Variants in IQANK1 observed in about 807,000 individuals in gnomAD.
IQANK1 encodes the protein IQ motif and ankyrin repeat domain-containing protein 1.
IQANK1 carries 30 observed loss-of-function variants against 22.6 expected under a neutral mutation model. The observed-to-expected ratio is 1.33, with a 90% CI of 0.99 to 1.80. The LOEUF (loss-of-function observed/expected upper bound fraction) is 1.80. IQANK1 is among the 40% of genes most tolerant of loss of function. The pLI, the probability that IQANK1 is intolerant of heterozygous loss-of-function variation, is 0.00. For missense variants in IQANK1, 275 were observed against 235.2 expected (o/e 1.17, Z -1.11); for synonymous variants, 122 against 99.6 (o/e 1.23, Z -1.34).
intron 7 of IQANK1, among the ~76,000 whole-genome samples, chr8:143,772,855 G>A (rs1819608361): frequency 6.6e-6 from 1 of 152,226 alleles, no homozygotes; most frequent in African/African-American, 2.4e-5. Flanking sequence ...TGAGGCTGGC[G>A]ATTCCAGGGT....
rs782165750 is a variant in IQANK1 at position 143,790,525 on chromosome 8, G to A, written c.1600G>A (p.Val534Ile). 1.0e-4 allele frequency: 40 copies of A among 401,590 alleles called. No individual in the cohort carries two copies. Among genetic ancestry groups the A allele is most frequent in the Non-Finnish European group, 1.6e-4 (37 of 228,662 alleles). 24.9% of individuals were successfully genotyped at this position (401,590 alleles called of 1,614,324 possible). ...GCTGGAGCACTTCCGCCTCTTTTTC[G>A]TCACCAAGGTCCAGTGGCCGCCAGC... ...QRLEHFRLFFVTKVQWPPAEQ... is the reference protein window; with the variant it reads ...QRLEHFRLFFITKVQWPPAEQ... The change falls in exon 14 of 14, where the codon GTC becomes ATC. Residue 534 changes from valine (V) to isoleucine (I), a missense_variant. Val to Ile is a conservative substitution (Grantham distance 29). Transcript: ENST00000527139.
intron 7 of IQANK1, among the ~76,000 whole-genome samples, chr8:143,773,960 G>GA (rs1819635029): frequency 6.6e-6 from 1 of 152,158 alleles, no homozygotes; most frequent in Admixed American, 6.5e-5. Flanking sequence ...GGTGCCAGGG[G>GA]ACTGTGTGTT....
At chr8:143,737,098 C>T (rs1347795730) in intron 2 of IQANK1, among the ~76,000 whole-genome samples, 2 of 152,194 alleles carry the variant, frequency 1.3e-5, no homozygotes, top group African/African-American at 4.8e-5. Flanking sequence ...CAAAATAGCC[C>T]CAGCTGCGTC....
chr8:143,767,804 G>C (rs1819504795), intron 3 of IQANK1, among the ~76,000 whole-genome samples: 1 of 149,482 alleles, frequency 6.7e-6, no homozygotes. Flanking sequence ...AGAATGGCGT[G>C]AACCCGGGAG....
At chr8:143,740,007 G>A (rs1243801657) in intron 3 of IQANK1, 59 bp downstream of exon 3, 3 of 650,868 alleles carry the variant, frequency 4.6e-6, no homozygotes, top group Non-Finnish European at 8.4e-6. Flanking sequence ...TGGCAGGGGG[G>A]TGCCCTGGCC....
intron 7 of IQANK1, among the ~76,000 whole-genome samples, chr8:143,782,742 C>A (rs781955745): frequency 6.6e-6 from 1 of 152,212 alleles, no homozygotes; most frequent in Non-Finnish European, 1.5e-5. Flanking sequence ...TCCCGAAGAG[C>A]TGGGATTACA....
intron 3 of IQANK1, among the ~76,000 whole-genome samples, chr8:143,760,770 C>G (rs28532505): frequency 0.01 from 1,569 of 152,340 alleles, 20 homozygotes; most frequent in Admixed American, 0.02. Flanking sequence ...ACCCTGAGCT[C>G]CCACGGAGAT....
At chr8:143,749,582 A>ATATTTT (rs1223131772) in intron 3 of IQANK1, among the ~76,000 whole-genome samples, 3 of 129,430 alleles carry the variant, frequency 2.3e-5, no homozygotes, top group African/African-American at 3.0e-5. Flanking sequence ...ATATATATAT[A>ATATTTT]TTTTATTTAT....
At chr8:143,789,400 C>A in intron 9 of IQANK1, 36 bp from the exon 10 acceptor site, 1 of 1,137,768 alleles carries the variant, frequency 8.8e-7, no homozygotes, top group Non-Finnish European at 1.1e-6. Context: ...AGGATACTGG[C>A]CAGCCTTGCC....
intron 3 of IQANK1, chr8:143,759,452 T>C (rs1406886590): frequency 6.6e-6 from 1 of 152,652 alleles, no homozygotes; most frequent in African/African-American, 2.4e-5. Context: ...GCTGAGGACA[T>C]GGATGAGGAT....
At chr8:143,745,211 G>A (rs1415086421) in intron 3 of IQANK1, 3 of 152,256 alleles carry the variant, frequency 2.0e-5, no homozygotes, top group Non-Finnish European at 2.9e-5. Context: ...GTGAGAGACT[G>A]TGGCAGCTGC....
At chr8:143,786,510 C>T (rs986804335) in intron 7 of IQANK1, among the ~76,000 whole-genome samples, 3 of 151,940 alleles carry the variant, frequency 2.0e-5, no homozygotes, top group South Asian at 2.1e-4. Flanking sequence ...AGTCATCTCT[C>T]CTATGTGTTT....
chr8:143,752,102 A>T (rs1819207327), intron 3 of IQANK1, among the ~76,000 whole-genome samples: 1 of 151,998 alleles, frequency 6.6e-6, no homozygotes, highest in South Asian at 2.1e-4. Flanking sequence ...AGTAGCTGGG[A>T]TTATAGGCGC....
intron 3 of IQANK1, among the ~76,000 whole-genome samples, chr8:143,754,951 T>C (rs1819261955): frequency 6.6e-6 from 1 of 152,108 alleles, no homozygotes; most frequent in Non-Finnish European, 1.5e-5. Flanking sequence ...GTAACGTAAC[T>C]ACAGGAATGA....
chr8:143,765,808 T>C (rs1554629186), intron 3 of IQANK1, among the ~76,000 whole-genome samples: 1 of 152,254 alleles, frequency 6.6e-6, no homozygotes, highest in East Asian at 1.9e-4. Flanking sequence ...CATGGCTGTT[T>C]AGGTGTCTGT....
intron 3 of IQANK1, chr8:143,744,450 T>G (rs1268440621): frequency 6.6e-6 from 1 of 152,240 alleles, no homozygotes; most frequent in Non-Finnish European, 1.5e-5. Context: ...AGAAAGAATT[T>G]GCCAAGATGC....
At chr8:143,760,213 C>G (rs1054265480) in intron 3 of IQANK1, among the ~76,000 whole-genome samples, 3 of 152,158 alleles carry the variant, frequency 2.0e-5, no homozygotes, top group Non-Finnish European at 2.9e-5. Context: ...CCTGAGAGCC[C>G]AGGGAGCCCG....
chr8:143,738,069 C>T (rs1554625931), intron 2 of IQANK1, among the ~76,000 whole-genome samples: 1 of 152,144 alleles, frequency 6.6e-6, no homozygotes, highest in Non-Finnish European at 1.5e-5. Context: ...GGTGCTGGCT[C>T]GATGCTGGTC....
intron 2 of IQANK1, among the ~76,000 whole-genome samples, chr8:143,737,175 C>G (rs7834307): frequency 0.21 from 31,422 of 152,256 alleles, 3,655 homozygotes; most frequent in East Asian, 0.52. Flanking sequence ...TCCGCAATCT[C>G]TAGCCCTGAG....
Sources: gnomAD v4.1 joint callset for allele counts (sites outside exome capture counted in the v4.1 genomes callset) on GRCh38, gnomAD v4.1.1 for gene constraint, MANE v1.5 for transcripts, NCBI Gene and HGNC (gene_info 2026-07-23, HGNC 2026-07-21) for gene names.